The following LEPROTL1 variants were observed in gnomAD, a reference collection of about 807,000 sequenced individuals.
LEPROTL1 encodes the protein leptin receptor overlapping transcript like 1, also known as leptin receptor overlapping transcript-like 1.
A neutral mutation model predicts 15.4 loss-of-function variants in LEPROTL1; 6 were observed. The observed-to-expected ratio is 0.39, with a 90% CI of 0.21 to 0.77. LEPROTL1 has a LOEUF of 0.77. Among genes scored for constraint, LEPROTL1 ranks in the 30% least tolerant of loss-of-function variants. The pLI, the probability that LEPROTL1 is intolerant of heterozygous loss-of-function variation, is 0.41. For missense variants in LEPROTL1, 128 were observed against 158.1 expected, an observed-to-expected ratio of 0.81 and a Z score of 1.02; for synonymous variants, 56 against 52.6, an observed-to-expected ratio of 1.06 and a Z score of -0.28.
chr8:30,131,613 T>C (rs141595358), intron 3 of LEPROTL1, among the ~76,000 whole-genome samples: 4 of 152,266 alleles, frequency 2.6e-5, no homozygotes, highest in Non-Finnish European at 5.9e-5. Flanking sequence ...AACATTCAAT[T>C]TTGGGGTGTC....
intron 3 of LEPROTL1, chr8:30,117,674 G>T (rs560146856): frequency 1.4e-6 from 2 of 1,470,456 alleles, no homozygotes; most frequent in African/African-American, 1.4e-5. Flanking sequence ...GAAACCAGAC[G>T]ATGACTTTGG....
At chr8:30,136,390 C>T (rs2134560) in intron 4 of LEPROTL1, among the ~76,000 whole-genome samples, 116,666 of 152,078 alleles carry the variant, frequency 0.77, 47,223 homozygotes, top group Middle Eastern at 0.9. Flanking sequence ...CTCAGAAGAA[C>T]CCAGCCCTGC....
chr8:30,131,883 G>A (rs13272159), intron 3 of LEPROTL1: 894,314 of 1,480,380 alleles, frequency 0.6, 286,433 homozygotes, highest in Non-Finnish European at 0.67. Context: ...TTATCGATGC[G>A]TCATCTGGCA....
chr8:30,130,085 C>T (rs917138363), intron 3 of LEPROTL1, among the ~76,000 whole-genome samples: 1 of 152,162 alleles, frequency 6.6e-6, no homozygotes, highest in East Asian at 1.9e-4. Context: ...AACATGAGAC[C>T]CAAACCATAT....
downstream of LEPROTL1, among the ~76,000 whole-genome samples, chr8:30,111,487 A>G (rs1215563689): frequency 6.6e-6 from 1 of 152,220 alleles, no homozygotes; most frequent in East Asian, 1.9e-4. Flanking sequence ...TCTGTATTTC[A>G]CTTCGGCTAT....
At chr8:30,134,650 C>CGA (rs1803100560) in intron 4 of LEPROTL1, among the ~76,000 whole-genome samples, 1 of 149,294 alleles carries the variant, frequency 6.7e-6, no homozygotes, top group Non-Finnish European at 1.5e-5. Flanking sequence ...TGGCTTCAAG[C>CGA]GATTCTCCTG....
intron 3 of LEPROTL1, among the ~76,000 whole-genome samples, chr8:30,118,549 A>G (rs1802777660): frequency 6.6e-6 from 1 of 152,118 alleles, no homozygotes; most frequent in South Asian, 2.1e-4. Context: ...GCCCCTCCAC[A>G]CCGGTAGGTA....
Position 30,106,267 on chromosome 8 carries a change from A to G in LEPROTL1, c.*405A>G. 1.0e-6 allele frequency: 1 copy of G among 986,258 alleles called. No homozygotes were observed. The highest frequency in any genetic ancestry group is 1.2e-6 in the Non-Finnish European group (1 of 830,096). 61.1% of individuals were successfully genotyped at this position (986,258 alleles called of 1,614,324 possible). On this transcript the variant is annotated 3_prime_UTR_variant, in exon 4 of 4. Transcript: ENST00000321250. ...ACTGGTCAAGTACATCTTTTCTCTTAAAATTATTTAGCCTCCATTATTACA... is the reference window on the plus strand; with the variant it reads ...ACTGGTCAAGTACATCTTTTCTCTTGAAATTATTTAGCCTCCATTATTACA...
chr8:30,106,559 AT>A lies in LEPROTL1; in HGVS notation c.*698del. 1 of 984,274 alleles carries A rather than the reference AT, an allele frequency of 1.0e-6. No homozygotes were observed. The highest frequency in any genetic ancestry group is 1.2e-6 in the Non-Finnish European group (1 of 828,928). The allele number at this position is 984,274 out of a possible 1,614,324, so 61.0% of individuals were successfully genotyped here. On this transcript the variant is annotated 3_prime_UTR_variant, in exon 4 of 4. Coordinates refer to ENST00000321250, the MANE Select transcript of LEPROTL1 (RefSeq NM_015344.3). ...TTCTTCTCAATTGTTAGAAGAATTT[AT>A]GTTAAACTTTAAGGTAAGGGTGTAA...
chr8:30,120,464 CAT>C (rs34434655), intron 3 of LEPROTL1, among the ~76,000 whole-genome samples: 18 of 150,810 alleles, frequency 1.2e-4, no homozygotes, highest in Admixed American at 9.3e-4. Context: ...TTTGTATATG[CAT>C]ATATATATAT....
At chr8:30,118,923 C>CT (rs1802783277) in intron 3 of LEPROTL1, among the ~76,000 whole-genome samples, 1 of 152,228 alleles carries the variant, frequency 6.6e-6, no homozygotes, top group Non-Finnish European at 1.5e-5. Flanking sequence ...GCCAACATGT[C>CT]TCGCCTCCCT....
exon 5 of LEPROTL1, chr8:30,137,589 T>A: frequency 9.9e-7 from 1 of 1,008,202 alleles, no homozygotes; most frequent in Non-Finnish European, 1.5e-6. Context: ...ATATTCATTC[T>A]AATGAAACTG....
intron 4 of LEPROTL1, chr8:30,133,031 G>T: frequency 2.5e-6 from 2 of 790,532 alleles, no homozygotes; most frequent in Non-Finnish European, 3.8e-6. Flanking sequence ...TAATCTCATG[G>T]CCTGCAGGAC....
At chr8:30,115,633 A>C (rs1232810392) in intron 3 of LEPROTL1, among the ~76,000 whole-genome samples, 2 of 148,262 alleles carry the variant, frequency 1.3e-5, no homozygotes. Context: ...ACAAATAGAT[A>C]AGGAAAAGAC....
chr8:30,109,184 C>A (rs1015424231), downstream of LEPROTL1, among the ~76,000 whole-genome samples: 2 of 152,164 alleles, frequency 1.3e-5, no homozygotes, highest in Non-Finnish European at 2.9e-5. Context: ...CCAAAGTTAA[C>A]AAGCAACACA....
rs1802576474 is a variant in LEPROTL1 at position 30,106,844 on chromosome 8, G to C, written c.*982G>C. 1 of 984,092 alleles carries C rather than the reference G, an allele frequency of 1.0e-6. No individual in the cohort carries two copies. The highest frequency in any genetic ancestry group is 4.7e-5 in the South Asian group (1 of 21,260). 61.0% of individuals were successfully genotyped at this position (984,092 alleles called of 1,614,324 possible). On this transcript the variant is annotated 3_prime_UTR_variant, in exon 4 of 4. Coordinates refer to ENST00000321250, the MANE Select transcript of LEPROTL1 (RefSeq NM_015344.3). ...CTGCTTCCTCCTTTTGACTTATTTGGTATGTTGTATATATTACATAAAATA... is the reference window on the plus strand; with the variant it reads ...CTGCTTCCTCCTTTTGACTTATTTGCTATGTTGTATATATTACATAAAATA...
At chr8:30,102,926 T>C (rs1802495202) in intron 2 of LEPROTL1, among the ~76,000 whole-genome samples, 1 of 152,212 alleles carries the variant, frequency 6.6e-6, no homozygotes, top group African/African-American at 2.4e-5. Flanking sequence ...ATAAGTTTGC[T>C]TGTAGCTCTC....
intron 3 of LEPROTL1, chr8:30,104,711 T>C (rs1336906804): frequency 8.1e-6 from 3 of 368,708 alleles, no homozygotes; most frequent in Non-Finnish European, 1.4e-5. Flanking sequence ...TACTTTTTTT[T>C]TTCTTTTTTT....
chr8:30,112,981 C>A (rs76983242), downstream of LEPROTL1, among the ~76,000 whole-genome samples: 122 of 151,866 alleles, frequency 8.0e-4, no homozygotes, highest in African/African-American at 2.8e-3. Context: ...GAAATGATAC[C>A]CTTTTTGGCC....
Sources: gnomAD v4.1 joint callset for allele counts (sites outside exome capture counted in the v4.1 genomes callset) on GRCh38, gnomAD v4.1.1 for gene constraint, MANE v1.5 for transcripts, NCBI Gene and HGNC (gene_info 2026-07-23, HGNC 2026-07-21) for gene names.